Variants in RGS9BP observed in about 807,000 individuals in gnomAD.
RGS9BP encodes the protein regulator of G protein signaling 9-binding protein.
In RGS9BP, 1 loss-of-function variant was observed where a neutral mutation model predicts 3.8. The observed-to-expected ratio is 0.26, with a 90% CI of 0.09 to 1.24. RGS9BP has a LOEUF of 1.24. Among genes scored for constraint, RGS9BP ranks in the 50% most tolerant of loss-of-function variants. RGS9BP has a pLI of 0.48. For missense variants in RGS9BP, 363 were observed against 344.3 expected (o/e 1.05, Z -0.43); for synonymous variants, 200 against 177.8 (o/e 1.13, Z -1.00).
Position 32,676,599 on chromosome 19 carries a change from G to C in RGS9BP, c.336G>C (p.Leu112=), listed in dbSNP as rs1568426393. 2.7e-6 allele frequency: 4 copies of C among 1,462,468 alleles called. No individual in the cohort carries two copies. The highest frequency in any genetic ancestry group is 3.6e-6 in the Non-Finnish European group (4 of 1,116,216). 90.6% of individuals were successfully genotyped at this position (1,462,468 alleles called of 1,614,324 possible). A position where few individuals can be genotyped will look rare whatever the true frequency, so the allele number is the denominator to read the frequency against. The change falls in exon 1 of 1, where the codon CTG becomes CTC. Residue 112 remains leucine (L), a synonymous_variant. Coordinates refer to ENST00000334176, the MANE Select transcript of RGS9BP (RefSeq NM_207391.3). The stretch of plus-strand genomic sequence containing the variant: ...CGCTGCACGCGCCGCGGCGGCCGCT[G>C]GTGCGCACAGGTGTGGCTGGCGCCT... The part of the protein sequence containing the change: ...AFPLHAPRRP[L]VRTGVAGASS...
Position 32,675,961 on chromosome 19 carries a change from C to T in RGS9BP, c.-303C>T. 1 of 327,272 alleles carries T rather than the reference C, an allele frequency of 3.1e-6. No homozygotes were observed. Among genetic ancestry groups the T allele is most frequent in the Non-Finnish European group, 5.6e-6 (1 of 178,376 alleles). 20.3% of individuals were successfully genotyped at this position (327,272 alleles called of 1,614,324 possible). A position where few individuals can be genotyped will look rare whatever the true frequency, so the allele number is the denominator to read the frequency against. On this transcript the variant is annotated 5_prime_UTR_variant, in exon 1 of 1. Coordinates refer to ENST00000334176, the MANE Select transcript of RGS9BP (RefSeq NM_207391.3). ...ACCGCACCCTCAGCTTCGCAGGGAG[C>T]CACCGTGGAGGCCAGGGCGGTGCAG...
rs1326824706 is a variant in RGS9BP, at chr19:32,677,870, G to A, written c.*899G>A. On this transcript the variant is annotated 3_prime_UTR_variant, in exon 1 of 1. Coordinates refer to ENST00000334176, the MANE Select transcript of RGS9BP (RefSeq NM_207391.3). ...AGTGTTTGAACCTCCTTTGCAGGAG[G>A]GCTGGGAATCCTCTTTAGAGCACTT... The A allele has an allele frequency of 1.8e-5, 3 of 167,096 alleles. No individual in the cohort carries two copies. The highest frequency in any genetic ancestry group is 4.4e-5 in the Non-Finnish European group (3 of 68,146). 10.4% of individuals were successfully genotyped at this position (167,096 alleles called of 1,614,324 possible). A position where few individuals can be genotyped will look rare whatever the true frequency, so the allele number is the denominator to read the frequency against.
Position 32,677,999 on chromosome 19 carries a change from T to C in RGS9BP, c.*1028T>C, listed in dbSNP as rs1968037940. On this transcript the variant is annotated 3_prime_UTR_variant, in exon 1 of 1. Coordinates refer to ENST00000334176, the MANE Select transcript of RGS9BP (RefSeq NM_207391.3). ...CCGCCCCTCCGGGGTAATGTGGCAT[T>C]ACTGGCCCACAGAGGTTTTGAGCCA... 1 of 167,262 alleles carries C rather than the reference T, an allele frequency of 6.0e-6. No individual in the cohort carries two copies. Among genetic ancestry groups the C allele is most frequent in the Non-Finnish European group, 1.5e-5 (1 of 68,138 alleles). 10.4% of individuals were successfully genotyped at this position (167,262 alleles called of 1,614,324 possible). A position where few individuals can be genotyped will look rare whatever the true frequency, so the allele number is the denominator to read the frequency against.
Position 32,676,442 on chromosome 19 carries a change from C to T in RGS9BP, c.179C>T (p.Ala60Val). 1 of 1,587,492 alleles carries T rather than the reference C, an allele frequency of 6.3e-7. No homozygotes were observed. ...LAVSTCARLT[A>V]VLRDRGLAAD... ...GTGTCCACCTGCGCCCGGCTGACTG[C>T]TGTGCTGCGCGACCGGGGCCTGGCC... Residue 60 changes from alanine to valine, a missense_variant, in exon 1 of 1, where the codon GCT becomes GTT. Physicochemically the swap from Ala to Val is moderately conservative, Grantham distance 64. Transcript: ENST00000334176.
At position 32,678,116 on chromosome 19, in the gene RGS9BP, G is replaced by A. The variant is rs1016153969; in HGVS notation, c.*1145G>A. 1 of 167,048 alleles carries A rather than the reference G, an allele frequency of 6.0e-6. No homozygotes were observed. Among genetic ancestry groups the A allele is most frequent in the African/African-American group, 2.4e-5 (1 of 41,442 alleles). 10.3% of individuals were successfully genotyped at this position (167,048 alleles called of 1,614,324 possible). On this transcript the variant is annotated 3_prime_UTR_variant, in exon 1 of 1. Coordinates refer to ENST00000334176, the MANE Select transcript of RGS9BP (RefSeq NM_207391.3). ...AATAATACTCTGAAAGAAAAATGAC[G>A]TAACCACAGCGTGTACTATGAAAGC...
In RGS9BP at chr19:32,676,294, G is replaced by C. The variant is rs754053647; in HGVS notation, c.31G>C (p.Asp11His). 3.1e-6 allele frequency: 5 copies of C among 1,601,798 alleles called. No individual in the cohort carries two copies. In the African/African-American group the frequency reaches 6.7e-5, roughly 22 times the overall value. Residue 11 changes from aspartate (D) to histidine (H), a missense_variant, in exon 1 of 1, where the codon GAC becomes CAC. Physicochemically the swap from Asp to His is moderately conservative, Grantham distance 81 (BLOSUM62 -1). Transcript: ENST00000334176. Reference sequence around the variant, plus strand: ...GAGGGAGGAGTGCAAGGCGCTGCTGGACGGGCTCAACAAGACGACTGCGTG... The same window carrying C: ...GAGGGAGGAGTGCAAGGCGCTGCTGCACGGGCTCAACAAGACGACTGCGTG... MAREECKALL[D>H]GLNKTTACYH...
chr19:32,676,298 G>T lies in RGS9BP; in HGVS notation c.35G>T (p.Gly12Val), dbSNP rs1277942517. ...AREECKALLD[G>V]LNKTTACYHH... The stretch of plus-strand genomic sequence containing the variant: ...GAGGAGTGCAAGGCGCTGCTGGACG[G>T]GCTCAACAAGACGACTGCGTGCTAC... The change falls in exon 1 of 1, where the codon GGG (glycine) becomes GTG (valine). Residue 12 changes from glycine to valine, a missense_variant. Coordinates refer to ENST00000334176, the MANE Select transcript of RGS9BP (RefSeq NM_207391.3). 1 of 1,605,460 alleles carries T rather than the reference G, an allele frequency of 6.2e-7. No individual in the cohort carries two copies. Among genetic ancestry groups the T allele is most frequent in the African/African-American group, 1.3e-5 (1 of 74,614 alleles).
rs895257386 is a variant in RGS9BP at position 32,676,144 on chromosome 19, G to T, written c.-120G>T. 4.6e-6 allele frequency: 3 copies of T among 652,532 alleles called. No homozygotes were observed. The highest frequency in any genetic ancestry group is 2.1e-5 in the South Asian group (1 of 48,136). The allele number at this position is 652,532 out of a possible 1,614,324, so 40.4% of individuals were successfully genotyped here. ...TGGCGGTAGCGCCGAGCGAGTCACG[G>T]ACCATGAAGAGCGTTCGTGCCGCGC... On this transcript the variant is annotated 5_prime_UTR_variant, in exon 1 of 1. Coordinates refer to ENST00000334176, the MANE Select transcript of RGS9BP (RefSeq NM_207391.3).
Position 32,677,716 on chromosome 19 carries a change from A to G in RGS9BP, c.*745A>G, listed in dbSNP as rs957293081. ...TCCAGTGCGCACACTTGCCTGCGGA[A>G]AAGGGCTCTCCCCAGCCACCCGGAG... On this transcript the variant is annotated 3_prime_UTR_variant, in exon 1 of 1. Transcript: ENST00000334176. 1 of 167,124 alleles carries G rather than the reference A, an allele frequency of 6.0e-6. No individual in the cohort carries two copies. Among genetic ancestry groups the G allele is most frequent in the Admixed American group, 6.5e-5 (1 of 15,280 alleles). The allele number at this position is 167,124 out of a possible 1,614,324, so 10.4% of individuals were successfully genotyped here.
In RGS9BP at chr19:32,677,141, C is replaced by G. The variant is rs1968025370; in HGVS notation, c.*170C>G. 4.5e-6 allele frequency: 3 copies of G among 662,184 alleles called. No individual in the cohort carries two copies. The highest frequency in any genetic ancestry group is 8.2e-6 in the Non-Finnish European group (3 of 364,816). The allele number at this position is 662,184 out of a possible 1,614,324, so 41.0% of individuals were successfully genotyped here. A position where few individuals can be genotyped will look rare whatever the true frequency, so the allele number is the denominator to read the frequency against. On this transcript the variant is annotated 3_prime_UTR_variant, in exon 1 of 1. Coordinates refer to ENST00000334176, the MANE Select transcript of RGS9BP (RefSeq NM_207391.3). ...CTGGGCAGGACACGGTTTCCTCTTG[C>G]TGGCCCGGGAGGAGTTAACTTTGCG...
rs1457407924 is a variant in RGS9BP, at chr19:32,676,577, T to A, written c.314T>A (p.Leu105Gln). Residue 105 changes from leucine (L) to glutamine (Q), a missense_variant, in exon 1 of 1, where the codon CTG (leucine) becomes CAG (glutamine). By Grantham distance (113) the Leu-to-Gln change is moderately radical. Coordinates refer to ENST00000334176, the MANE Select transcript of RGS9BP (RefSeq NM_207391.3). ...RALELGAAFP[L>Q]HAPRRPLVRT... ...CTGGAGCTGGGCGCCGCGTTCCCGC[T>A]GCACGCGCCGCGGCGGCCGCTGGTG... 1.4e-6 allele frequency: 2 copies of A among 1,405,058 alleles called. No homozygotes were observed. Among genetic ancestry groups the A allele is most frequent in the Non-Finnish European group, 1.8e-6 (2 of 1,092,766 alleles). 87.0% of individuals were successfully genotyped at this position (1,405,058 alleles called of 1,614,324 possible). A position where few individuals can be genotyped will look rare whatever the true frequency, so the allele number is the denominator to read the frequency against.
In RGS9BP at chr19:32,676,795, C is replaced by T. The variant is rs749442416; in HGVS notation, c.532C>T (p.Arg178Trp). ...VNVPRWTVQA[R>W]QAAGAELLST... ...CGTGCCCCGCTGGACCGTGCAAGCC[C>T]GGCAGGCGGCGGGCGCCGAGCTCCT... Residue 178 changes from arginine (R) to tryptophan (W), a missense_variant, in exon 1 of 1, where the codon CGG becomes TGG. Arg to Trp is a moderately radical substitution (Grantham distance 101, BLOSUM62 -3). Transcript: ENST00000334176. 1.3e-6 allele frequency: 2 copies of T among 1,585,848 alleles called. No homozygotes were observed. Among genetic ancestry groups the T allele is most frequent in the South Asian group, 1.1e-5 (1 of 89,254 alleles).
In RGS9BP at chr19:32,676,812, C is replaced by T. The variant is rs773552049; in HGVS notation, c.549C>T (p.Ala183=). ...WTVQARQAAG[A]ELLSTVSAGP... is the part of the protein sequence containing the mutation. ...TGCAAGCCCGGCAGGCGGCGGGCGCCGAGCTCCTGTCCACGGTCAGCGCCG... is the reference window on the plus strand; with the variant it reads ...TGCAAGCCCGGCAGGCGGCGGGCGCTGAGCTCCTGTCCACGGTCAGCGCCG... The change falls in exon 1 of 1, where the codon GCC becomes GCT. Residue 183 remains alanine (A), a synonymous_variant. Coordinates refer to ENST00000334176, the MANE Select transcript of RGS9BP (RefSeq NM_207391.3). 1.9e-6 allele frequency: 3 copies of T among 1,584,546 alleles called. No homozygotes were observed. The African/African-American group carries it at 4.0e-5, about 21-fold the overall frequency.
Position 32,676,414 on chromosome 19 carries a change from G to A in RGS9BP, c.151G>A (p.Ala51Thr). The change falls in exon 1 of 1, where the codon GCG (alanine) becomes ACG (threonine). Residue 51 changes from alanine to threonine, a missense_variant. Physicochemically the swap from Ala to Thr is moderately conservative, Grantham distance 58. Coordinates refer to ENST00000334176, the MANE Select transcript of RGS9BP (RefSeq NM_207391.3). ...QKTRQKAQEL[A>T]VSTCARLTAV... ...GACGCGCCAGAAGGCGCAGGAGCTG[G>A]CGGTGTCCACCTGCGCCCGGCTGAC... is the stretch of plus-strand genomic sequence containing the variant. 1.2e-6 allele frequency: 2 copies of A among 1,604,100 alleles called. No individual in the cohort carries two copies. The highest frequency in any genetic ancestry group is 1.7e-6 in the Non-Finnish European group (2 of 1,178,064).
rs1415766109 is a variant in RGS9BP at position 32,676,560 on chromosome 19, G to C, written c.297G>C (p.Leu99=). The change falls in exon 1 of 1, where the codon CTG becomes CTC. Residue 99 remains leucine, a synonymous_variant. Transcript: ENST00000334176. ...LEADMRRALE[L]GAAFPLHAPR... The stretch of plus-strand genomic sequence containing the variant: ...CGGACATGCGACGCGCGCTGGAGCT[G>C]GGCGCCGCGTTCCCGCTGCACGCGC... 8 of 1,432,612 alleles carry C rather than the reference G, an allele frequency of 5.6e-6. No individual in the cohort carries two copies. The highest frequency in any genetic ancestry group is 1.5e-5 in the South Asian group (1 of 68,208). 88.7% of individuals were successfully genotyped at this position (1,432,612 alleles called of 1,614,324 possible). A position where few individuals can be genotyped will look rare whatever the true frequency, so the allele number is the denominator to read the frequency against.
Position 32,676,900 on chromosome 19 carries a change from G to A in RGS9BP, c.637G>A (p.Ala213Thr), listed in dbSNP as rs538939905. ...GGGCDPRKAL[A>T]AILFGAVLLA... is the part of the protein sequence containing the mutation. ...GGGTTGCGACCCCAGGAAGGCCCTG[G>A]CCGCCATCCTTTTCGGCGCCGTGCT... Residue 213 changes from alanine to threonine, a missense_variant, in exon 1 of 1, where the codon GCC becomes ACC. Coordinates refer to ENST00000334176, the MANE Select transcript of RGS9BP (RefSeq NM_207391.3). 4 of 1,599,628 alleles carry A rather than the reference G, an allele frequency of 2.5e-6. No individual in the cohort carries two copies. Among genetic ancestry groups the A allele is most frequent in the Non-Finnish European group, 3.4e-6 (4 of 1,177,926 alleles).
chr19:32,677,159 A>C lies in RGS9BP; in HGVS notation c.*188A>C. 1 of 630,618 alleles carries C rather than the reference A, an allele frequency of 1.6e-6. No homozygotes were observed. Among genetic ancestry groups the C allele is most frequent in the Non-Finnish European group, 2.9e-6 (1 of 343,938 alleles). The allele number at this position is 630,618 out of a possible 1,614,324, so 39.1% of individuals were successfully genotyped here. A position where few individuals can be genotyped will look rare whatever the true frequency, so the allele number is the denominator to read the frequency against. ...CCTCTTGCTGGCCCGGGAGGAGTTA[A>C]CTTTGCGCCGGCCGTCAGGGCATTA... On this transcript the variant is annotated 3_prime_UTR_variant, in exon 1 of 1. Coordinates refer to ENST00000334176, the MANE Select transcript of RGS9BP (RefSeq NM_207391.3).
Position 32,676,314 on chromosome 19 carries a change from T to G in RGS9BP, c.51T>G (p.Thr17=). 5 of 1,609,258 alleles carry G rather than the reference T, an allele frequency of 3.1e-6. No individual in the cohort carries two copies. Among genetic ancestry groups the G allele is most frequent in the Non-Finnish European group, 4.2e-6 (5 of 1,177,710 alleles). The part of the protein sequence containing the change: ...KALLDGLNKT[T]ACYHHLVLTV... Reference sequence around the variant, plus strand: ...TGCTGGACGGGCTCAACAAGACGACTGCGTGCTACCACCACCTGGTGCTGA... The same window carrying G: ...TGCTGGACGGGCTCAACAAGACGACGGCGTGCTACCACCACCTGGTGCTGA... The change falls in exon 1 of 1, where the codon ACT becomes ACG. Residue 17 remains threonine, a synonymous_variant. Transcript: ENST00000334176.
In RGS9BP at chr19:32,678,275, C is replaced by CG. The variant is rs1555751497; in HGVS notation, c.*1304_*1305insG. On this transcript the variant is annotated 3_prime_UTR_variant, in exon 1 of 1. Transcript: ENST00000334176. ...CTGAAGTTGATAGTCTTCCCCCCCCCCCACTTTTTTCTTTTTTGAGACAGG... is the reference window on the plus strand; with the variant it reads ...CTGAAGTTGATAGTCTTCCCCCCCCCGCCACTTTTTTCTTTTTTGAGACAGG... 2.6e-5 allele frequency: 4 copies of CG among 151,242 alleles called. No individual in the cohort carries two copies. The highest frequency in any genetic ancestry group is 3.2e-5 in the Non-Finnish European group (2 of 63,066). 9.4% of individuals were successfully genotyped at this position (151,242 alleles called of 1,614,324 possible). A position where few individuals can be genotyped will look rare whatever the true frequency, so the allele number is the denominator to read the frequency against.
Sources: allele counts gnomAD v4.1 joint callset, GRCh38; gene constraint gnomAD v4.1.1; transcripts MANE v1.5; gene names NCBI Gene and HGNC (gene_info 2026-07-23, HGNC 2026-07-21).